TSNARE1: variants seen among roughly 807,000 people sequenced by gnomAD.
TSNARE1 encodes the protein t-SNARE domain-containing protein 1.
Under a neutral mutation model 62.0 loss-of-function variants are expected in TSNARE1, and 49 were observed. That is an observed-to-expected ratio of 0.79 (90% CI 0.63 to 1.00). The LOEUF is 1.00. Among genes scored for constraint, TSNARE1 ranks in the 50% least tolerant of loss-of-function variants. The pLI, the probability that TSNARE1 is intolerant of heterozygous loss-of-function variation, is 0.00. For missense variants in TSNARE1, 755 were observed against 700.1 expected (o/e 1.08, Z -0.88); for synonymous variants, 328 against 294.4 (o/e 1.11, Z -1.17).
intron 12 of TSNARE1, among the ~76,000 whole-genome samples, chr8:142,248,892 C>T (rs1818019060): frequency 1.3e-5 from 2 of 152,234 alleles, no homozygotes; most frequent in South Asian, 2.1e-4. Flanking sequence ...GGGCCTCGCT[C>T]ACAGGGCTGG....
At chr8:142,258,372 G>A (rs1818694422) in intron 12 of TSNARE1, among the ~76,000 whole-genome samples, 1 of 152,200 alleles carries the variant, frequency 6.6e-6, no homozygotes, top group Non-Finnish European at 1.5e-5. Flanking sequence ...CTACGCTGTA[G>A]GTGGAACTCA....
rs377397395 is a variant in TSNARE1 at position 142,249,712 on chromosome 8, C to T, written c.1447-20133G>A. 8.5e-5 allele frequency among the ~76,000 whole-genome samples: 13 copies of T among 152,336 alleles called. No individual in the cohort carries two copies. In the East Asian group the frequency reaches 9.7e-4, roughly 11 times the overall value. ...TCATGAGAAATGCTCTGGTCAATGC[C>T]GTGGAGCAGCAGTGACATGTGCTGT... On this transcript the variant is annotated intron_variant, in intron 12 of 13. Coordinates refer to ENST00000524325, the MANE Select transcript of TSNARE1 (RefSeq NM_145003.5).
chr8:142,236,191 C>T (rs1171293744), intron 12 of TSNARE1, among the ~76,000 whole-genome samples: 2 of 152,128 alleles, frequency 1.3e-5, no homozygotes, highest in East Asian at 3.9e-4. Context: ...TTACAACGAG[C>T]CTCCCTCATG....
intron 1 of TSNARE1, chr8:142,365,792 A>G: frequency 3.4e-6 from 1 of 298,018 alleles, no homozygotes; most frequent in Non-Finnish European, 6.7e-6. Context: ...CCTAAAATAA[A>G]AACTCACTGG....
At chr8:142,241,168 A>G (rs891212564) in intron 12 of TSNARE1, among the ~76,000 whole-genome samples, 7 of 152,242 alleles carry the variant, frequency 4.6e-5, no homozygotes, top group African/African-American at 7.2e-5. Context: ...CGAATTCAGG[A>G]AAGTTGCAGG....
chr8:142,228,481 C>G (rs1816941035), intron 13 of TSNARE1, among the ~76,000 whole-genome samples: 2 of 152,234 alleles, frequency 1.3e-5, no homozygotes, highest in Non-Finnish European at 2.9e-5. Flanking sequence ...TCCTGATGAG[C>G]TCTCCTCACT....
intron 13 of TSNARE1, among the ~76,000 whole-genome samples, chr8:142,224,727 T>C (rs1230478220): frequency 3.0e-5 from 1 of 32,886 alleles, no homozygotes; most frequent in Non-Finnish European, 8.0e-5. Flanking sequence ...GGAGGGGTGC[T>C]CTGGGGGCTG....
intron 1 of TSNARE1, among the ~76,000 whole-genome samples, chr8:142,372,529 C>A (rs138001605): frequency 2.6e-5 from 4 of 152,152 alleles, no homozygotes; most frequent in African/African-American, 7.2e-5. Flanking sequence ...ACAGAGGCTG[C>A]GGGGTGGAGC....
chr8:142,300,657 G>A lies in TSNARE1; in HGVS notation c.1132-13C>T. The A allele has an allele frequency of 1.2e-6, 2 of 1,609,966 alleles. No homozygotes were observed. Among genetic ancestry groups the A allele is most frequent in the South Asian group, 2.2e-5 (2 of 90,752 alleles). ...GGGCCTGGGGACTCTGCTGATGACA[G>A]ACAGATCTTGTTAGCACTGACCCCT... On this transcript the variant is annotated splice_polypyrimidine_tract_variant and intron_variant, in intron 9 of 13. Transcript: ENST00000524325.
intron 9 of TSNARE1, among the ~76,000 whole-genome samples, chr8:142,308,926 C>T (rs1827142889): frequency 6.6e-6 from 1 of 152,210 alleles, no homozygotes; most frequent in Non-Finnish European, 1.5e-5. Flanking sequence ...GAGCTGACAT[C>T]TCCATAAGCA....
intron 4 of TSNARE1, among the ~76,000 whole-genome samples, chr8:142,339,472 C>T (rs571224383): frequency 1.3e-5 from 2 of 152,156 alleles, no homozygotes; most frequent in African/African-American, 4.8e-5. Context: ...GGCCAGGGCA[C>T]CATGGCCAGG....
At chr8:142,360,720 C>T (rs1397626587) in intron 1 of TSNARE1, among the ~76,000 whole-genome samples, 3 of 152,146 alleles carry the variant, frequency 2.0e-5, no homozygotes, top group Non-Finnish European at 4.4e-5. Context: ...AGGGAACACC[C>T]ACCTCAGGCG....
chr8:142,273,221 CG>C (rs1248145678), intron 12 of TSNARE1: 27 of 985,168 alleles, frequency 2.7e-5, no homozygotes, highest in Non-Finnish European at 3.1e-5. Context: ...ACTGTCCCAT[CG>C]TCCTCCTGCC....
chr8:142,399,043 AC>A (rs1838102916), intron 1 of TSNARE1, among the ~76,000 whole-genome samples: 1 of 152,108 alleles, frequency 6.6e-6, no homozygotes, highest in African/African-American at 2.4e-5. Flanking sequence ...CAAGCAGGAC[AC>A]CCCGAAGCAA....
chr8:142,243,331 GC>G (rs1358108037), intron 12 of TSNARE1, among the ~76,000 whole-genome samples: 1 of 152,206 alleles, frequency 6.6e-6, no homozygotes, highest in Non-Finnish European at 1.5e-5. Context: ...ATTCACAATA[GC>G]CAGGACGTGG....
At position 142,262,519 on chromosome 8, in the gene TSNARE1, A is replaced by C. The variant is rs776072023; in HGVS notation, c.1446+12262T>G. 6.0e-4 allele frequency among the ~76,000 whole-genome samples: 91 copies of C among 152,072 alleles called. 1 individual carries two copies. Among genetic ancestry groups the C allele is most frequent in the Non-Finnish European group, 1.1e-3 (76 of 68,016 alleles). On this transcript the variant is annotated intron_variant, in intron 12 of 13. Coordinates refer to ENST00000524325, the MANE Select transcript of TSNARE1 (RefSeq NM_145003.5). ...TGGTTTGGATGTGTGTACCCGCCCA[A>C]ATCTCATGTCCAACTGTAATCTTCA...
At chr8:142,216,615 C>T (rs954240404) in intron 13 of TSNARE1, among the ~76,000 whole-genome samples, 2 of 152,132 alleles carry the variant, frequency 1.3e-5, no homozygotes, top group Non-Finnish European at 2.9e-5. Context: ...AGCCTGGGCA[C>T]GGGGCACAGG....
intron 6 of TSNARE1, among the ~76,000 whole-genome samples, chr8:142,326,816 T>C (rs376743951): frequency 6.6e-6 from 1 of 152,212 alleles, no homozygotes; most frequent in East Asian, 1.9e-4. Flanking sequence ...AGGATCTGAA[T>C]AGACATTCCT....
chr8:142,223,602 AC>A lies in TSNARE1; in HGVS notation c.*11+5870del, dbSNP rs1210426701. On this transcript the variant is annotated intron_variant, in intron 13 of 13. Coordinates refer to ENST00000524325, the MANE Select transcript of TSNARE1 (RefSeq NM_145003.5). The stretch of plus-strand genomic sequence containing the variant: ...CATCCACTCACTCATTCACTCACTC[AC>A]TCATTTATCCACTCACTCACTCACT... Among the ~76,000 whole-genome samples the A allele has an allele frequency of 3.6e-3, 369 of 101,104 alleles. 92 individuals carry two copies. In the Middle Eastern group the frequency reaches 0.042, roughly 12 times the overall value. The allele number at this position is 101,104 out of a possible 152,430, so 66.3% of individuals were successfully genotyped here.
Sources: gnomAD v4.1 joint callset for allele counts (sites outside exome capture counted in the v4.1 genomes callset) on GRCh38, gnomAD v4.1.1 for gene constraint, MANE v1.5 for transcripts, NCBI Gene and HGNC (gene_info 2026-07-23, HGNC 2026-07-21) for gene names.